EXOC5: variants seen among roughly 807,000 people sequenced by gnomAD.
EXOC5 encodes the protein SEC10-like 1.
EXOC5 carries 17 observed loss-of-function variants against 90.8 expected under a neutral mutation model. That is an observed-to-expected ratio of 0.19 (90% confidence interval 0.13 to 0.28). The LOEUF (loss-of-function observed/expected upper bound fraction) is 0.28, where lower values mean the gene tolerates loss of function less well. EXOC5 is among the 10% of genes least tolerant of loss of function. The pLI is 1.00. For synonymous variants in EXOC5, 260 were observed against 270.0 expected, an observed-to-expected ratio of 0.96 and a Z score of 0.36; for missense variants, 569 against 830.6, an observed-to-expected ratio of 0.69 and a Z score of 3.87.
intron 1 of EXOC5, 89 bp downstream of exon 1, chr14:57,268,533 C>T (rs1332963364): frequency 6.5e-7 from 1 of 1,540,208 alleles, no homozygotes; most frequent in Admixed American, 2.0e-5. Flanking sequence ...TCCTCCTGGG[C>T]AGCCAGCAAA....
chr14:57,217,553 C>A (rs561729139), intron 15 of EXOC5, among the ~76,000 whole-genome samples: 1 of 152,200 alleles, frequency 6.6e-6, no homozygotes, highest in East Asian at 1.9e-4. Flanking sequence ...ACCTAATTGA[C>A]AAATGTAGTG....
chr14:57,221,372 A>C (rs1231774871), intron 13 of EXOC5, among the ~76,000 whole-genome samples: 5 of 152,232 alleles, frequency 3.3e-5, no homozygotes, highest in African/African-American at 9.6e-5. Flanking sequence ...TTTTCCCCTT[A>C]AGAGTAATAG....
At chr14:57,219,665 C>A (rs1291554901) in intron 13 of EXOC5, among the ~76,000 whole-genome samples, 1 of 152,144 alleles carries the variant, frequency 6.6e-6, no homozygotes, top group East Asian at 1.9e-4. Context: ...TCACCATCTA[C>A]TTAGCCTTCA....
chr14:57,224,131 T>C (rs1883232646), intron 12 of EXOC5, among the ~76,000 whole-genome samples: 1 of 151,936 alleles, frequency 6.6e-6, no homozygotes, highest in African/African-American at 2.4e-5. Context: ...CTCAAATCAA[T>C]GACCTCAGCT....
chr14:57,206,531 A>C lies in EXOC5; in HGVS notation c.*2078T>G. 1 of 152,200 alleles carries C rather than the reference A, an allele frequency of 6.6e-6. No homozygotes were observed. Among genetic ancestry groups the C allele is most frequent in the Non-Finnish European group, 1.5e-5 (1 of 67,900 alleles). The allele number at this position is 152,200 out of a possible 1,614,324, so 9.4% of individuals were successfully genotyped here. On this transcript the variant is annotated 3_prime_UTR_variant, in exon 18 of 18. Transcript: ENST00000621441. Reference sequence around the variant, plus strand: ...ATCTCAAATTTTTAAATAAAAAATCATTTATAAAATTCAGGATGGATGGCT... The same window carrying C: ...ATCTCAAATTTTTAAATAAAAAATCCTTTATAAAATTCAGGATGGATGGCT...
At chr14:57,225,736 G>A (rs1339548548) in intron 12 of EXOC5, among the ~76,000 whole-genome samples, 1 of 152,202 alleles carries the variant, frequency 6.6e-6, no homozygotes, top group African/African-American at 2.4e-5. Flanking sequence ...AGTCTCAGGA[G>A]GTCCCGCCAA....
intron 1 of EXOC5, among the ~76,000 whole-genome samples, chr14:57,258,810 T>C (rs545252634): frequency 9.2e-5 from 14 of 152,314 alleles, no homozygotes; most frequent in Non-Finnish European, 1.5e-4. Context: ...TATTTTCTTG[T>C]ATCTCCATTC....
At chr14:57,231,845 G>A in intron 10 of EXOC5, 130 bp from the exon 11 acceptor site, 1 of 616,538 alleles carries the variant, frequency 1.6e-6, no homozygotes, top group Non-Finnish European at 2.8e-6. Flanking sequence ...AACTCTGGGA[G>A]AGTACTTATG....
chr14:57,226,624 A>G (rs576387857), intron 12 of EXOC5, among the ~76,000 whole-genome samples: 1 of 152,322 alleles, frequency 6.6e-6, no homozygotes, highest in East Asian at 1.9e-4. Context: ...CAATCAAGAC[A>G]GTACAGTACA....
Position 57,231,614 on chromosome 14 carries a change from T to C in EXOC5, c.1040A>G (p.Glu347Gly). ...TCCAGTCTCCACCTCAATATAGTTC[T>C]CCAAATAGGAAATGAAAATGGATTT... ...LIKSIFISYLENYIEVETGYL... is the reference protein window; with the variant it reads ...LIKSIFISYLGNYIEVETGYL... Residue 347 changes from glutamate (E) to glycine (G), a missense_variant, in exon 11 of 18, where the codon GAG (glutamate) becomes GGG (glycine). Around this residue, in one of 9 missense-constraint regions of EXOC5, gnomAD observed 69 missense variants for 115.5 expected, o/e 0.60. Transcript: ENST00000621441. 1 of 1,613,034 alleles carries C rather than the reference T, an allele frequency of 6.2e-7. No homozygotes were observed. The highest frequency in any genetic ancestry group is 8.5e-7 in the Non-Finnish European group (1 of 1,179,230).
intron 1 of EXOC5, among the ~76,000 whole-genome samples, chr14:57,265,202 G>A (rs1327441580): frequency 6.6e-6 from 1 of 150,672 alleles, no homozygotes; most frequent in African/African-American, 2.5e-5. Context: ...GAGACATGCA[G>A]CCTCGTCAAT....
At chr14:57,263,764 C>G (rs960947448) in intron 1 of EXOC5, among the ~76,000 whole-genome samples, 5 of 126,844 alleles carry the variant, frequency 3.9e-5, no homozygotes, top group African/African-American at 1.5e-4. Flanking sequence ...AAAAAAAAAG[C>G]AAAAAAACAA....
chr14:57,254,316 T>C (rs1284154744), intron 1 of EXOC5, among the ~76,000 whole-genome samples: 1 of 151,960 alleles, frequency 6.6e-6, no homozygotes, highest in African/African-American at 2.4e-5. Flanking sequence ...GTGCCTGTAG[T>C]CCCAGCTCTT....
In EXOC5 at chr14:57,208,375, A is replaced by G. The variant is rs1882721060; in HGVS notation, c.*234T>C. 2.7e-6 allele frequency: 1 copy of G among 369,580 alleles called. No homozygotes were observed. Among genetic ancestry groups the G allele is most frequent in the South Asian group, 1.2e-4 (1 of 8,344 alleles). 22.9% of individuals were successfully genotyped at this position (369,580 alleles called of 1,614,324 possible). On this transcript the variant is annotated 3_prime_UTR_variant, in exon 18 of 18. Coordinates refer to ENST00000621441, the MANE Select transcript of EXOC5 (RefSeq NM_006544.4). Reference sequence around the variant, plus strand: ...AGAATCTGAAATTTCTACATTCAAGAATGGAATTAAAATTCAATGTGAGGG... The same window carrying G: ...AGAATCTGAAATTTCTACATTCAAGGATGGAATTAAAATTCAATGTGAGGG...
chr14:57,238,478 G>A (rs1883750816), intron 5 of EXOC5, among the ~76,000 whole-genome samples: 1 of 150,778 alleles, frequency 6.6e-6, no homozygotes, highest in Non-Finnish European at 1.5e-5. Context: ...GATGAAGACA[G>A]GGTAGGGGGA....
intron 1 of EXOC5, among the ~76,000 whole-genome samples, chr14:57,255,867 C>G (rs1054149925): frequency 2.7e-5 from 4 of 150,076 alleles, no homozygotes; most frequent in Admixed American, 2.7e-4. Flanking sequence ...AAGCACTATT[C>G]TCCAAGATGC....
chr14:57,254,371 G>T (rs548400251), intron 1 of EXOC5, among the ~76,000 whole-genome samples: 11 of 151,842 alleles, frequency 7.2e-5, no homozygotes, highest in South Asian at 2.1e-4. Flanking sequence ...TGAGGCAGAG[G>T]TTGCAGTGAG....
intron 15 of EXOC5, among the ~76,000 whole-genome samples, chr14:57,216,153 G>T (rs1430867496): frequency 6.6e-6 from 1 of 151,626 alleles, no homozygotes; most frequent in Non-Finnish European, 1.5e-5. Context: ...ATTGCCAAAA[G>T]AAACAAGTAA....
chr14:57,229,531 A>C (rs776963041), intron 12 of EXOC5, among the ~76,000 whole-genome samples: 17 of 152,170 alleles, frequency 1.1e-4, no homozygotes, highest in Non-Finnish European at 2.4e-4. Flanking sequence ...GTAATGTAAT[A>C]ATATATATAA....
Sources: gnomAD v4.1 joint callset for allele counts (sites outside exome capture counted in the v4.1 genomes callset) on GRCh38, gnomAD v4.1.1 for gene constraint, gnomAD v4.1.1 regional missense constraint, MANE v1.5 for transcripts, NCBI Gene and HGNC (gene_info 2026-07-23, HGNC 2026-07-21) for gene names.